Variants in IL1RAPL2 observed in about 807,000 individuals in gnomAD.
The protein encoded by IL1RAPL2 is X-linked interleukin-1 receptor accessory protein-like 2.
In IL1RAPL2, 3 loss-of-function variants were observed where a neutral mutation model predicts 44.1. The observed-to-expected ratio is 0.07, with a 90% CI of 0.03 to 0.18. IL1RAPL2 has a LOEUF of 0.18. IL1RAPL2 is among the 10% of genes least tolerant of loss of function. IL1RAPL2 has a pLI of 1.00. For synonymous variants in IL1RAPL2, 181 were observed against 178.8 expected, an observed-to-expected ratio of 1.01 and a Z score of -0.10; for missense variants, 391 against 496.4, an observed-to-expected ratio of 0.79 and a Z score of 2.02.
At chrX:104,673,981 G>T (rs1174680941) in intron 2 of IL1RAPL2, among the ~76,000 whole-genome samples, 1 of 111,423 alleles carries the variant, frequency 9.0e-6, no homozygotes, top group Non-Finnish European at 1.9e-5. Context: ...TTGCTTATCA[G>T]CTTAAGGAGA....
At chrX:104,948,804 G>C (rs1925474745) in intron 2 of IL1RAPL2, among the ~76,000 whole-genome samples, 1 of 109,451 alleles carries the variant, frequency 9.1e-6, no homozygotes, top group Non-Finnish European at 1.9e-5. Context: ...TTGATGTGCT[G>C]CTGGATTCGG....
intron 2 of IL1RAPL2, among the ~76,000 whole-genome samples, chrX:104,866,532 C>A (rs1922619707): frequency 9.0e-6 from 1 of 111,320 alleles, no homozygotes; most frequent in South Asian, 3.8e-4. Flanking sequence ...TCAAGTATTC[C>A]TAGGGCTTCT....
chrX:105,748,808 T>C (rs1248043862), intron 8 of IL1RAPL2, 152 bp from the exon 9 acceptor site: 4 of 442,743 alleles, frequency 9.0e-6, no homozygotes, highest in African/African-American at 7.3e-5. Flanking sequence ...ATTTGATTCA[T>C]ACAAATGTAT....
chrX:104,874,340 A>G (rs1049830489), intron 2 of IL1RAPL2, among the ~76,000 whole-genome samples: 3 of 103,543 alleles, frequency 2.9e-5, no homozygotes, highest in Non-Finnish European at 4.0e-5. Context: ...ATGCATAGAT[A>G]GGATCATGGG....
intron 5 of IL1RAPL2, among the ~76,000 whole-genome samples, chrX:105,270,489 T>C (rs1014282399): frequency 8.9e-5 from 10 of 111,968 alleles, no homozygotes; most frequent in African/African-American, 3.2e-4. Flanking sequence ...ACATGTTACA[T>C]GCCAGGCAAC....
chrX:105,612,944 T>C (rs1408256162), intron 6 of IL1RAPL2, among the ~76,000 whole-genome samples: 5 of 111,450 alleles, frequency 4.5e-5, no homozygotes, highest in African/African-American at 9.8e-5. Flanking sequence ...CGTAGGCAAG[T>C]TCTAGTGCTG....
At chrX:105,385,290 A>C (rs780977238) in intron 5 of IL1RAPL2, among the ~76,000 whole-genome samples, 33 of 110,830 alleles carry the variant, frequency 3.0e-4, no homozygotes, top group African/African-American at 1.1e-3. Flanking sequence ...CTCTTTACGC[A>C]TTCAATTCTT....
chrX:104,839,039 G>C (rs1241536873), intron 2 of IL1RAPL2, among the ~76,000 whole-genome samples: 1 of 106,688 alleles, frequency 9.4e-6, no homozygotes, highest in Admixed American at 1.0e-4. Flanking sequence ...ATTAGAGATG[G>C]GCTTTCATCA....
chrX:104,765,470 T>C (rs1932538534), intron 2 of IL1RAPL2, among the ~76,000 whole-genome samples: 1 of 112,296 alleles, frequency 8.9e-6, no homozygotes, highest in African/African-American at 3.2e-5. Flanking sequence ...TTTCTTGGTA[T>C]GGATTCAAGT....
chrX:104,702,401 G>C (rs1292627785), intron 2 of IL1RAPL2, among the ~76,000 whole-genome samples: 1 of 111,320 alleles, frequency 9.0e-6, no homozygotes, highest in African/African-American at 3.3e-5. Context: ...TAATCACAAG[G>C]ACATGCCAGG....
intron 10 of IL1RAPL2, among the ~76,000 whole-genome samples, chrX:105,758,409 A>ATC (rs59823277): frequency 6.3e-3 from 642 of 102,326 alleles, no homozygotes; most frequent in East Asian, 0.025. Flanking sequence ...GTACATGAAA[A>ATC]TCTCTCTCTC....
intron 2 of IL1RAPL2, among the ~76,000 whole-genome samples, chrX:105,038,035 G>A (rs754119690): frequency 1.5e-4 from 17 of 111,458 alleles, no homozygotes; most frequent in East Asian, 2.8e-4. Flanking sequence ...AATCATGACC[G>A]TGAGACAGAG....
At chrX:105,693,067 A>C (rs1380687160) in intron 6 of IL1RAPL2, among the ~76,000 whole-genome samples, 1 of 111,368 alleles carries the variant, frequency 9.0e-6, no homozygotes, top group Non-Finnish European at 1.9e-5. Context: ...GGTCCTCTCT[A>C]TACCCATGGG....
At position 104,893,900 on chromosome X, in the gene IL1RAPL2, G is replaced by C. The variant is rs539272227; in HGVS notation, c.82+234905G>C. Among the ~76,000 whole-genome samples the C allele has an allele frequency of 3.6e-5, 4 of 111,957 alleles. No homozygotes were observed. In the South Asian group the frequency reaches 1.5e-3, roughly 42 times the overall value. On this transcript the variant is annotated intron_variant, in intron 2 of 10. Transcript: ENST00000372582. ...CTAGCCTGGATGGTCTTTAAAATTT[G>C]GCATGTTTTTGCAGTGGCTGGTACC...
At chrX:104,941,040 T>C (rs1277065819) in intron 2 of IL1RAPL2, among the ~76,000 whole-genome samples, 1 of 110,431 alleles carries the variant, frequency 9.1e-6, no homozygotes, top group African/African-American at 3.3e-5. Flanking sequence ...ACTTATCCTT[T>C]TTTATGGCTG....
chrX:105,197,048 T>C (rs1556141908), intron 3 of IL1RAPL2, among the ~76,000 whole-genome samples: 2 of 111,301 alleles, frequency 1.8e-5, no homozygotes, highest in Non-Finnish European at 1.9e-5. Flanking sequence ...TAGAGAGCCT[T>C]CTGGATGCTC....
chrX:105,190,843 G>T (rs1181669930), intron 2 of IL1RAPL2, among the ~76,000 whole-genome samples: 2 of 111,934 alleles, frequency 1.8e-5, no homozygotes, highest in African/African-American at 6.5e-5. Context: ...CTTTTCACAG[G>T]GTTTTGTTTT....
chrX:105,109,025 A>C (rs1419591092), intron 2 of IL1RAPL2, among the ~76,000 whole-genome samples: 1 of 111,655 alleles, frequency 9.0e-6, no homozygotes, highest in Non-Finnish European at 1.9e-5. Context: ...TCAGTGCTTC[A>C]GCATTCTCTT....
chrX:104,769,553 T>C (rs1344152528), intron 2 of IL1RAPL2, among the ~76,000 whole-genome samples: 1 of 112,520 alleles, frequency 8.9e-6, no homozygotes, highest in Non-Finnish European at 1.9e-5. Context: ...TCTGACAAAG[T>C]AGCAGTAATT....
Sources: allele counts gnomAD v4.1 joint callset (sites outside exome capture counted in the v4.1 genomes callset), GRCh38; gene constraint gnomAD v4.1.1; transcripts MANE v1.5; gene names NCBI Gene and HGNC (gene_info 2026-07-23, HGNC 2026-07-21).